Variants in YAP1 observed in about 807,000 individuals in gnomAD.
The protein encoded by YAP1 is transcriptional coactivator YAP1.
Under a neutral mutation model 56.9 loss-of-function variants are expected in YAP1, and 5 were observed. That is an observed-to-expected ratio of 0.09 (90% CI 0.05 to 0.18). The LOEUF is 0.18. YAP1 is among the 10% of genes least tolerant of loss of function. The probability of loss-of-function intolerance (pLI) is 1.00; values close to 1 mark genes in which losing one functional copy is unlikely to be tolerated. For missense variants in YAP1, 539 were observed against 651.8 expected (o/e 0.83, Z 1.88); for synonymous variants, 265 against 248.1 (o/e 1.07, Z -0.64).
In YAP1 at chr11:102,213,171, A is replaced by G. The variant is rs187998902; in HGVS notation, c.1032+3607A>G. ...TCCCCCCTGAGGTGCGAACACTTCTACCTTCTCTTGTGCTTAAGAATATGG... is the reference window on the plus strand; with the variant it reads ...TCCCCCCTGAGGTGCGAACACTTCTGCCTTCTCTTGTGCTTAAGAATATGG... On this transcript the variant is annotated intron_variant, in intron 6 of 8. Coordinates refer to ENST00000282441, the MANE Select transcript of YAP1 (RefSeq NM_001130145.3). Among the ~76,000 whole-genome samples the G allele has an allele frequency of 7.0e-4, 106 of 152,242 alleles. 1 individual carries two copies. In the East Asian group the frequency reaches 0.011, roughly 16 times the overall value.
intron 2 of YAP1, among the ~76,000 whole-genome samples, chr11:102,123,555 A>C (rs1353865678): frequency 6.6e-6 from 1 of 151,422 alleles, no homozygotes; most frequent in Non-Finnish European, 1.5e-5. Flanking sequence ...CTCTGTTAAC[A>C]TTTAGTGGGC....
intron 2 of YAP1, among the ~76,000 whole-genome samples, chr11:102,120,988 G>A (rs542413844): frequency 2.6e-5 from 4 of 152,138 alleles, no homozygotes; most frequent in Non-Finnish European, 5.9e-5. Context: ...GGAAATAGAT[G>A]TGGGGGTTCT....
intron 3 of YAP1, among the ~76,000 whole-genome samples, chr11:102,171,728 CA>C (rs1161669130): frequency 2.0e-5 from 3 of 152,102 alleles, no homozygotes; most frequent in Admixed American, 1.3e-4. Context: ...TATAACCTGA[CA>C]AACAGGAAAA....
At chr11:102,218,806 A>G in intron 6 of YAP1, among the ~76,000 whole-genome samples, 1 of 152,312 alleles carries the variant, frequency 6.6e-6, no homozygotes, top group East Asian at 1.9e-4. Flanking sequence ...AAATCTGCAT[A>G]GTTGGTTCTG....
intron 6 of YAP1, among the ~76,000 whole-genome samples, chr11:102,213,447 T>G (rs1472666686): frequency 6.6e-6 from 1 of 152,042 alleles, no homozygotes; most frequent in Non-Finnish European, 1.5e-5. Flanking sequence ...GATCGTGGCA[T>G]TGCACTCCAG....
At chr11:102,172,691 G>T (rs992099676) in intron 3 of YAP1, among the ~76,000 whole-genome samples, 1 of 152,038 alleles carries the variant, frequency 6.6e-6, no homozygotes, top group African/African-American at 2.4e-5. Flanking sequence ...GATATACAAT[G>T]AGTCAGATAT....
intron 2 of YAP1, among the ~76,000 whole-genome samples, chr11:102,144,290 T>G (rs1430439942): frequency 6.6e-6 from 1 of 152,212 alleles, no homozygotes; most frequent in Admixed American, 6.5e-5. Context: ...ATATAGTTCT[T>G]GTCATGATCT....
chr11:102,205,875 T>G lies in YAP1; in HGVS notation c.803-18T>G, dbSNP rs774444052. 1 of 1,478,400 alleles carries G rather than the reference T, an allele frequency of 6.8e-7. No individual in the cohort carries two copies. The highest frequency in any genetic ancestry group is 1.4e-5 in the South Asian group (1 of 69,776). The allele number at this position is 1,478,400 out of a possible 1,614,324, so 91.6% of individuals were successfully genotyped here. ...CACTAGTTTTTTAGGACAGATTTTT[T>G]TTTTCTTTTCATTTCAGCCATGAAC... On this transcript the variant is annotated intron_variant, in intron 4 of 8. Transcript: ENST00000282441.
rs1241584646 is a variant in YAP1, at chr11:102,214,666, A to G, written c.1032+5102A>G. ...TTGAAGGTTTTCCAATGAATATATT[A>G]TATTTTATTTTTAATGGGTACATTG... On this transcript the variant is annotated intron_variant, in intron 6 of 8. Coordinates refer to ENST00000282441, the MANE Select transcript of YAP1 (RefSeq NM_001130145.3). 4.6e-5 allele frequency among the ~76,000 whole-genome samples: 7 copies of G among 152,186 alleles called. No homozygotes were observed. In the East Asian group the frequency reaches 5.8e-4, roughly 13 times the overall value.
chr11:102,212,030 G>C (rs575433911), intron 6 of YAP1, among the ~76,000 whole-genome samples: 1 of 152,260 alleles, frequency 6.6e-6, no homozygotes, highest in African/African-American at 2.4e-5. Context: ...AGTGAAGATG[G>C]CTTTAAATAG....
In YAP1 at chr11:102,229,952, A is replaced by T. The variant is rs369837465; in HGVS notation, c.*12A>T. On this transcript the variant is annotated 3_prime_UTR_variant, in exon 9 of 9. Coordinates refer to ENST00000282441, the MANE Select transcript of YAP1 (RefSeq NM_001130145.3). The stretch of plus-strand genomic sequence containing the variant: ...TTACATGGTTATAGAGCCCTCAGGC[A>T]GACTGAATTCTAAATCTGTGAAGGA... 1.3e-5 allele frequency: 21 copies of T among 1,608,008 alleles called. No homozygotes were observed. In the African/African-American group the frequency reaches 2.5e-4, roughly 19 times the overall value.
At chr11:102,114,431 A>G (rs781741190) in intron 2 of YAP1, 37 bp downstream of exon 2, 80 of 1,594,902 alleles carry the variant, frequency 5.0e-5, no homozygotes, top group Non-Finnish European at 6.4e-5. Context: ...GTTATCTAAG[A>G]CAAATATGTA....
At chr11:102,126,785 G>T (rs1050233845) in intron 2 of YAP1, among the ~76,000 whole-genome samples, 2 of 152,222 alleles carry the variant, frequency 1.3e-5, no homozygotes, top group African/African-American at 4.8e-5. Flanking sequence ...GAAAATGTGG[G>T]AAAGTTTGGA....
chr11:102,133,511 G>A lies in YAP1; in HGVS notation c.572+19117G>A, dbSNP rs534291068. Among the ~76,000 whole-genome samples the A allele has an allele frequency of 2.0e-5, 3 of 152,240 alleles. No individual in the cohort carries two copies. The South Asian group carries it at 6.2e-4, about 32-fold the overall frequency. ...GGGGTTTCAACATGTTGCCAAGGCT[G>A]GTTTCAAACTCCAAGGCCCAAGTGA... On this transcript the variant is annotated intron_variant, in intron 2 of 8. Transcript: ENST00000282441.
Position 102,206,907 on chromosome 11 carries a change from TG to T in YAP1, c.984+834del, listed in dbSNP as rs370862634. On this transcript the variant is annotated intron_variant, in intron 5 of 8. Coordinates refer to ENST00000282441, the MANE Select transcript of YAP1 (RefSeq NM_001130145.3). ...TGCTTTAAAATTACCTGCTTATGGA[TG>T]TTTTTTTATTTTGGGGAAAGTAGGA... is the stretch of plus-strand genomic sequence containing the variant. Among the ~76,000 whole-genome samples, 57 of 151,476 alleles carry T rather than the reference TG, an allele frequency of 3.8e-4. 2 individuals are homozygous for T. In the East Asian group the frequency reaches 9.7e-3, roughly 26 times the overall value.
At chr11:102,160,802 T>C (rs1270155744) in intron 2 of YAP1, among the ~76,000 whole-genome samples, 1 of 152,204 alleles carries the variant, frequency 6.6e-6, no homozygotes, top group African/African-American at 2.4e-5. Flanking sequence ...AATGCTTGTA[T>C]CCTATTCCTT....
Position 102,114,253 on chromosome 11 carries a change from C to T in YAP1, c.431C>T (p.Pro144Leu). 6.2e-7 allele frequency: 1 copy of T among 1,614,166 alleles called. No homozygotes were observed. Among genetic ancestry groups the T allele is most frequent in the Admixed American group, 1.7e-5 (1 of 60,012 alleles). Residue 144 changes from proline (P) to leucine (L), a missense_variant, in exon 2 of 9, where the codon CCC (proline) becomes CTC (leucine). Pro to Leu is a moderately conservative substitution (Grantham distance 98). Transcript: ENST00000282441. The part of the protein sequence containing the change: ...LGAVSPGTLT[P>L]TGVVSGPAAT... ...GCTGTTTCTCCTGGGACACTGACCC[C>T]CACTGGAGTAGTCTCTGGCCCAGCA...
In YAP1 at chr11:102,121,061, C is replaced by T. The variant is rs563923946; in HGVS notation, c.572+6667C>T. On this transcript the variant is annotated intron_variant, in intron 2 of 8. Transcript: ENST00000282441. ...TATTCCTTCATGTGCGGTAGTCCCT[C>T]CCCACCATCCATGAGTTTCCTTTCC... 1.5e-4 allele frequency among the ~76,000 whole-genome samples: 23 copies of T among 152,148 alleles called. 1 individual carries two copies. In the South Asian group the frequency reaches 4.1e-3, roughly 27 times the overall value.
intron 6 of YAP1, among the ~76,000 whole-genome samples, chr11:102,220,335 A>G (rs756058384): frequency 1.3e-4 from 20 of 152,190 alleles, no homozygotes; most frequent in African/African-American, 2.2e-4. Flanking sequence ...AAAAAAACCA[A>G]TAAGTGGTAC....
Sources: allele counts gnomAD v4.1 joint callset (sites outside exome capture counted in the v4.1 genomes callset), GRCh38; gene constraint gnomAD v4.1.1; transcripts MANE v1.5; gene names NCBI Gene and HGNC (gene_info 2026-07-23, HGNC 2026-07-21).